Variants in RELN observed in about 807,000 individuals in gnomAD.
RELN encodes the protein reelin.
Under a neutral mutation model 427.6 loss-of-function variants are expected in RELN, and 108 were observed. The ratio of observed to expected loss-of-function variants is 0.25; its 90% CI spans 0.22 to 0.30. The LOEUF (loss-of-function observed/expected upper bound fraction) is 0.30. Among genes scored for constraint, RELN ranks in the 10% least tolerant of loss-of-function variants. The pLI is 1.00. For synonymous variants in RELN, 1,524 were observed against 1,513.4 expected, an observed-to-expected ratio of 1.01 and a Z score of -0.16; for missense variants, 3,715 against 4,302.8, an observed-to-expected ratio of 0.86 and a Z score of 3.82.
chr7:103,872,156 G>A (rs1338994098), intron 2 of RELN, among the ~76,000 whole-genome samples: 1 of 136,392 alleles, frequency 7.3e-6, no homozygotes, highest in Non-Finnish European at 1.6e-5. Context: ...CTGGTGCGCT[G>A]CACCCACTAA....
intron 2 of RELN, among the ~76,000 whole-genome samples, chr7:103,843,950 C>T (rs1793616283): frequency 6.6e-6 from 1 of 152,184 alleles, no homozygotes; most frequent in Non-Finnish European, 1.5e-5. Context: ...TAGATAATCA[C>T]TTCGCACTGC....
intron 2 of RELN, among the ~76,000 whole-genome samples, chr7:103,861,703 T>C (rs1049786910): frequency 1.3e-5 from 2 of 152,168 alleles, no homozygotes; most frequent in African/African-American, 4.8e-5. Flanking sequence ...ATTTGGCTCA[T>C]AGAATGTCAC....
At chr7:103,502,109 A>G (rs1829050410) in intron 52 of RELN, among the ~76,000 whole-genome samples, 2 of 152,208 alleles carry the variant, frequency 1.3e-5, no homozygotes, top group South Asian at 4.1e-4. Context: ...CCTAGAGTTC[A>G]CTTATCTTTG....
intron 18 of RELN, 92 bp from the exon 19 acceptor site, chr7:103,635,678 T>C: frequency 9.7e-7 from 1 of 1,028,630 alleles, no homozygotes; most frequent in Non-Finnish European, 1.5e-6. Flanking sequence ...ATTATGTTTC[T>C]ACTCACCCCT....
rs1830922747 is a variant in RELN, at chr7:103,573,189, C to T, written c.4511+903G>A. 6.6e-6 allele frequency among the ~76,000 whole-genome samples: 1 copy of T among 152,216 alleles called. No homozygotes were observed. The highest frequency in any genetic ancestry group is 1.5e-5 in the Non-Finnish European group (1 of 68,046). On this transcript the variant is annotated intron_variant, in intron 30 of 64. Coordinates refer to ENST00000428762, the MANE Select transcript of RELN (RefSeq NM_005045.4). This position sits in a 1 kb window ranked among gnomAD's most constrained non-coding sequence, Gnocchi z 4.4. Reference sequence around the variant, plus strand: ...TTCCTGACCTCAAGTGATCCACCTGCCTCAGTCTCCCAAAGTGCTGGCATT... The same window carrying T: ...TTCCTGACCTCAAGTGATCCACCTGTCTCAGTCTCCCAAAGTGCTGGCATT...
intron 3 of RELN, among the ~76,000 whole-genome samples, chr7:103,783,274 C>T (rs1584489623): frequency 6.7e-6 from 1 of 149,722 alleles, no homozygotes; most frequent in African/African-American, 2.5e-5. Context: ...GGATTAAAAG[C>T]ATAAAACGTA....
intron 3 of RELN, among the ~76,000 whole-genome samples, chr7:103,795,699 T>C (rs1049803918): frequency 6.6e-6 from 1 of 152,202 alleles, no homozygotes; most frequent in Admixed American, 6.5e-5. Flanking sequence ...AAGTAAATCA[T>C]GGAAAATGAA....
chr7:103,706,146 A>C (rs1323252538), intron 8 of RELN, among the ~76,000 whole-genome samples: 2 of 152,122 alleles, frequency 1.3e-5, no homozygotes, highest in Non-Finnish European at 2.9e-5. Context: ...ACCAAGATCT[A>C]ACTGAGTAGC....
rs112891674 is a variant in RELN at position 103,640,463 on chromosome 7, G to A, written c.2069+80C>T. The stretch of plus-strand genomic sequence containing the variant: ...AAAAAGATCCCCGATCCTAAAAAAG[G>A]TTATTAAATGACTTGCGACTTCAAC... On this transcript the variant is annotated intron_variant, in intron 17 of 64. Coordinates refer to ENST00000428762, the MANE Select transcript of RELN (RefSeq NM_005045.4). This position sits in a 1 kb window ranked among gnomAD's most constrained non-coding sequence, Gnocchi z 4.1. The A allele has an allele frequency of 1.4e-6, 2 of 1,399,128 alleles. No homozygotes were observed. The highest frequency in any genetic ancestry group is 1.0e-6 in the Non-Finnish European group (1 of 987,190). 86.7% of individuals were successfully genotyped at this position (1,399,128 alleles called of 1,614,324 possible). A position where few individuals can be genotyped will look rare whatever the true frequency, so the allele number is the denominator to read the frequency against.
At position 103,654,202 on chromosome 7, in the gene RELN, C is replaced by T. The variant is rs1488155446; in HGVS notation, c.1445G>A (p.Gly482Glu). ...GNLRFYFVMG[G>E]ICDPGNSHEN... ...ATGAGAATTTCCAGGGTCACAAATT[C>T]CTCCTGCACAAAACAAAAATTTTAA... is the stretch of plus-strand genomic sequence containing the variant. Residue 482 changes from glycine (G) to glutamate (E), a missense_variant, in exon 13 of 65, where the codon GGA becomes GAA. Physicochemically the swap from Gly to Glu is moderately conservative, Grantham distance 98. This residue lies in a region of RELN where 2,208 missense variants were observed against 2,361.7 expected (regional missense o/e 0.93). Transcript: ENST00000428762. The T allele has an allele frequency of 7.5e-6, 12 of 1,602,040 alleles. No homozygotes were observed. Among genetic ancestry groups the T allele is most frequent in the Non-Finnish European group, 1.0e-5 (12 of 1,169,716 alleles).
Position 103,572,184 on chromosome 7 carries a change from CT to C in RELN, c.4587del (p.Ile1532LeufsTer65). 1 of 1,543,940 alleles carries C rather than the reference CT, an allele frequency of 6.5e-7. No homozygotes were observed. The highest frequency in any genetic ancestry group is 9.0e-7 in the Non-Finnish European group (1 of 1,116,114). ...TTTCCATGGAAATACAGCAGCTTAC[CT>C]TCATTTCTAGTTCTTGGTTTGATGC... ...ITCIKPRTRNEGLIVQYSNDN... is the reference protein window; with the variant it reads ...ITCIKPRTRNXGLIVQYSNDN... On this transcript the variant is annotated frameshift_variant and splice_region_variant, in exon 31 of 65. Coordinates refer to ENST00000428762, the MANE Select transcript of RELN (RefSeq NM_005045.4). LOFTEE classifies it high-confidence loss of function.
At chr7:103,564,069 G>GTA (rs1221651005) in intron 34 of RELN, among the ~76,000 whole-genome samples, 1 of 152,182 alleles carries the variant, frequency 6.6e-6, no homozygotes, top group Non-Finnish European at 1.5e-5. Flanking sequence ...CCTGGCATCA[G>GTA]CTTATTCATG....
At chr7:103,877,422 T>A (rs1319262545) in intron 2 of RELN, among the ~76,000 whole-genome samples, 2 of 152,168 alleles carry the variant, frequency 1.3e-5, no homozygotes, top group African/African-American at 4.8e-5. Flanking sequence ...TTTTGACCCT[T>A]GACTCTCCTT....
intron 2 of RELN, among the ~76,000 whole-genome samples, chr7:103,877,602 T>C (rs2283034): frequency 0.14 from 21,742 of 152,110 alleles, 1,878 homozygotes; most frequent in East Asian, 0.34. Context: ...TCTCCAGATT[T>C]TTCTAAAGTG....
At chr7:103,804,020 T>C (rs1051093194) in intron 3 of RELN, among the ~76,000 whole-genome samples, 12 of 151,968 alleles carry the variant, frequency 7.9e-5, no homozygotes, top group African/African-American at 2.9e-4. Context: ...GGAAAGAAAA[T>C]CTCCATCATG....
chr7:103,900,021 GT>G (rs1795048785), intron 2 of RELN, among the ~76,000 whole-genome samples: 1 of 152,178 alleles, frequency 6.6e-6, no homozygotes, highest in African/African-American at 2.4e-5. Context: ...CCTGTTTGCA[GT>G]TGACATGATT....
At chr7:103,570,128 T>A (rs1220910092) in intron 31 of RELN, among the ~76,000 whole-genome samples, 1 of 152,200 alleles carries the variant, frequency 6.6e-6, no homozygotes, top group Admixed American at 6.5e-5. Flanking sequence ...TTTATGAAAG[T>A]GTCTCAAGAC....
intron 3 of RELN, among the ~76,000 whole-genome samples, chr7:103,795,692 T>C (rs996431045): frequency 1.3e-5 from 2 of 152,186 alleles, no homozygotes; most frequent in African/African-American, 4.8e-5. Context: ...AAGTGAAAAG[T>C]AAATCATGGA....
At chr7:103,730,322 C>T (rs985672647) in intron 6 of RELN, among the ~76,000 whole-genome samples, 3 of 151,910 alleles carry the variant, frequency 2.0e-5, no homozygotes, top group Admixed American at 6.6e-5. Flanking sequence ...ATATGTATTA[C>T]AAGCCCCCTC....
Sources: allele counts gnomAD v4.1 joint callset (sites outside exome capture counted in the v4.1 genomes callset), GRCh38; gene constraint gnomAD v4.1.1; regional missense constraint gnomAD v4.1.1; non-coding constraint Gnocchi (gnomAD v3.1); transcripts MANE v1.5; gene names NCBI Gene and HGNC (gene_info 2026-07-23, HGNC 2026-07-21).